NIBAN1: variants seen among roughly 807,000 people sequenced by gnomAD.
NIBAN1 encodes the protein protein Niban 1.
Under a neutral mutation model 75.1 loss-of-function variants are expected in NIBAN1, and 81 were observed. The ratio of observed to expected loss-of-function variants is 1.08; its 90% CI spans 0.90 to 1.30. The LOEUF (loss-of-function observed/expected upper bound fraction) is 1.30. NIBAN1 is among the 50% of genes most tolerant of loss of function. The pLI is 0.00. For synonymous variants in NIBAN1, 436 were observed against 424.8 expected (o/e 1.03, Z -0.32); for missense variants, 1,133 against 1,128.1 (o/e 1.00, Z -0.06).
At chr1:184,960,823 T>G (rs181334931) in intron 1 of NIBAN1, among the ~76,000 whole-genome samples, 364 of 151,888 alleles carry the variant, frequency 2.4e-3, no homozygotes, top group African/African-American at 8.1e-3. Flanking sequence ...AGAGACAGGG[T>G]TTCAACATGT....
chr1:184,805,847 A>G (rs1020714899), intron 11 of NIBAN1, 99 bp downstream of exon 11: 113 of 908,352 alleles, frequency 1.2e-4, no homozygotes, highest in South Asian at 1.2e-3. Context: ...GTGGGGAAAG[A>G]TTAGAGCCAA....
At chr1:184,971,788 G>T (rs764581880) in intron 1 of NIBAN1, among the ~76,000 whole-genome samples, 4 of 152,142 alleles carry the variant, frequency 2.6e-5, no homozygotes, top group Non-Finnish European at 4.4e-5. Flanking sequence ...ATCTTATCAA[G>T]GGACACTACT....
intron 12 of NIBAN1, among the ~76,000 whole-genome samples, chr1:184,801,738 A>AGT (rs1654047838): frequency 1.3e-5 from 2 of 152,204 alleles, no homozygotes; most frequent in African/African-American, 4.8e-5. Flanking sequence ...GGGCTGGCAC[A>AGT]ATGCCTGGAT....
In NIBAN1 at chr1:184,937,547, A is replaced by T. The variant is rs148485505; in HGVS notation, c.55+36755T>A. Reference sequence around the variant, plus strand: ...CTTAACTACCTCTCATGAGCCAGACACTGTGCAGGTCTTTGGAGACATAAA... The same window carrying T: ...CTTAACTACCTCTCATGAGCCAGACTCTGTGCAGGTCTTTGGAGACATAAA... On this transcript the variant is annotated intron_variant, in intron 1 of 13. Coordinates refer to ENST00000367511, the MANE Select transcript of NIBAN1 (RefSeq NM_052966.4). Among the ~76,000 whole-genome samples the T allele has an allele frequency of 4.1e-3, 623 of 152,332 alleles. 4 individuals are homozygous for T. Among genetic ancestry groups the T allele is most frequent in the African/African-American group, 0.014 (585 of 41,558 alleles).
chr1:184,948,413 G>A (rs1658282176), intron 1 of NIBAN1, among the ~76,000 whole-genome samples: 1 of 152,176 alleles, frequency 6.6e-6, no homozygotes, highest in Non-Finnish European at 1.5e-5. Context: ...TAGTTACTGT[G>A]TTCCAAGAGG....
intron 1 of NIBAN1, among the ~76,000 whole-genome samples, chr1:184,919,694 G>A (rs1657479935): frequency 6.6e-6 from 1 of 152,026 alleles, no homozygotes; most frequent in African/African-American, 2.4e-5. Context: ...GTCTCTATTA[G>A]GGTAATGGTA....
At chr1:184,827,313 C>T (rs1246525470) in intron 6 of NIBAN1, among the ~76,000 whole-genome samples, 1 of 152,018 alleles carries the variant, frequency 6.6e-6, no homozygotes, top group Non-Finnish European at 1.5e-5. Flanking sequence ...TCCCAACCAC[C>T]ATCCTCATCC....
Position 184,894,110 on chromosome 1 carries a change from T to G in NIBAN1, c.283A>C (p.Asn95His), listed in dbSNP as rs760547105. ...KWKERYVVVK[N>H]DYAVESYENK... ...TCATAGCTCTCCACAGCATAATCAT[T>G]TTTAACTACAACGTATCTCTCCTTC... Residue 95 changes from asparagine to histidine, a missense_variant, in exon 3 of 14, where the codon AAT becomes CAT. Physicochemically the swap from Asn to His is moderately conservative, Grantham distance 68. Transcript: ENST00000367511. 4.7e-5 allele frequency: 76 copies of G among 1,612,492 alleles called. 2 individuals are homozygous for G. The South Asian group carries it at 8.0e-4, about 17-fold the overall frequency.
intron 1 of NIBAN1, among the ~76,000 whole-genome samples, chr1:184,953,298 C>T (rs1351194354): frequency 6.6e-6 from 1 of 152,198 alleles, no homozygotes; most frequent in East Asian, 1.9e-4. Context: ...CTTGGGTGCT[C>T]TACCTCCACA....
intron 5 of NIBAN1, among the ~76,000 whole-genome samples, chr1:184,869,657 T>G (rs956128635): frequency 2.0e-5 from 3 of 152,138 alleles, no homozygotes; most frequent in African/African-American, 7.2e-5. Context: ...TTCTCCTGCC[T>G]CAGCCTCCTG....
rs1209010356 is a variant in NIBAN1 at position 184,795,181 on chromosome 1, T to C, written c.2583A>G (p.Glu861=). The C allele has an allele frequency of 1.2e-6, 2 of 1,614,164 alleles. No homozygotes were observed. The highest frequency in any genetic ancestry group is 1.7e-6 in the Non-Finnish European group (2 of 1,180,032). ...ICLSESQVSE[E]QEEMGGQSSA... ...TGCTTTGCCCTCCCATCTCTTCTTG[T>C]TCCTCAGAAACCTGGCTCTCACTGA... Residue 861 remains glutamate, a synonymous_variant, in exon 14 of 14, where the codon GAA becomes GAG. Coordinates refer to ENST00000367511, the MANE Select transcript of NIBAN1 (RefSeq NM_052966.4).
At chr1:184,868,732 ATT>A (rs138162068) in intron 5 of NIBAN1, among the ~76,000 whole-genome samples, 2 of 116,202 alleles carry the variant, frequency 1.7e-5, no homozygotes, top group African/African-American at 6.0e-5. Flanking sequence ...ATGAGATTAG[ATT>A]TTTTTTAAAA....
chr1:184,798,243 C>T, intron 12 of NIBAN1, 53 bp from the exon 13 acceptor site: 1 of 1,142,732 alleles, frequency 8.8e-7, no homozygotes, highest in Non-Finnish European at 1.3e-6. Context: ...GATGCCTGTT[C>T]TTAGAGGAGA....
intron 2 of NIBAN1, among the ~76,000 whole-genome samples, chr1:184,896,460 A>G (rs1656803811): frequency 6.6e-6 from 1 of 152,090 alleles, no homozygotes; most frequent in Non-Finnish European, 1.5e-5. Context: ...TGTTAGGGGC[A>G]TAATTTGCAA....
At chr1:184,876,647 G>A (rs891808473) in intron 5 of NIBAN1, among the ~76,000 whole-genome samples, 5 of 151,134 alleles carry the variant, frequency 3.3e-5, no homozygotes, top group Non-Finnish European at 4.4e-5. Context: ...GTTGCAGTGC[G>A]CCCAGATAGC....
intron 1 of NIBAN1, among the ~76,000 whole-genome samples, chr1:184,955,765 G>A (rs1001528939): frequency 6.6e-6 from 1 of 152,182 alleles, no homozygotes; most frequent in East Asian, 1.9e-4. Flanking sequence ...AGGAAAAAGT[G>A]ACAATAAAAA....
chr1:184,942,814 C>T (rs1302007735), intron 1 of NIBAN1, among the ~76,000 whole-genome samples: 1 of 152,156 alleles, frequency 6.6e-6, no homozygotes, highest in East Asian at 1.9e-4. Flanking sequence ...TCACACTCAC[C>T]TTGTAACTCT....
chr1:184,867,914 T>G (rs767921250), intron 5 of NIBAN1: 24 of 985,330 alleles, frequency 2.4e-5, no homozygotes, highest in Non-Finnish European at 2.9e-5. Context: ...TCACTTAAAG[T>G]GTCCCGTGTC....
intron 5 of NIBAN1, among the ~76,000 whole-genome samples, chr1:184,836,066 T>A (rs938861836): frequency 2.6e-5 from 4 of 152,212 alleles, no homozygotes; most frequent in Admixed American, 6.5e-5. Context: ...TTTCTTGGCT[T>A]GGCAAGTGAT....
Sources: allele counts gnomAD v4.1 joint callset (sites outside exome capture counted in the v4.1 genomes callset), GRCh38; gene constraint gnomAD v4.1.1; transcripts MANE v1.5; gene names NCBI Gene and HGNC (gene_info 2026-07-23, HGNC 2026-07-21).